GPHN: variants seen among roughly 807,000 people sequenced by gnomAD.
The protein encoded by GPHN is gephyrin.
In GPHN, 17 loss-of-function variants were observed where a neutral mutation model predicts 95.5. The ratio of observed to expected loss-of-function variants is 0.18; its 90% CI spans 0.12 to 0.27. The LOEUF (loss-of-function observed/expected upper bound fraction) is 0.27, where lower values mean the gene tolerates loss of function less well. Ranked by LOEUF, GPHN falls within the 10% of genes least tolerant of loss-of-function variation. The probability of loss-of-function intolerance (pLI) is 1.00; values close to 1 mark genes in which losing one functional copy is unlikely to be tolerated. For synonymous variants in GPHN, 320 were observed against 322.5 expected, an observed-to-expected ratio of 0.99 and a Z score of 0.08; for missense variants, 660 against 978.1, an observed-to-expected ratio of 0.67 and a Z score of 4.34.
chr14:66,788,700 A>G (rs771904989), intron 3 of GPHN, among the ~76,000 whole-genome samples: 6 of 152,126 alleles, frequency 3.9e-5, no homozygotes, highest in Non-Finnish European at 8.8e-5. Flanking sequence ...CCTTTTGCCC[A>G]GGCTGGAGTG....
intron 1 of GPHN, among the ~76,000 whole-genome samples, chr14:66,627,212 C>G (rs1266260969): frequency 6.6e-6 from 1 of 151,992 alleles, no homozygotes; most frequent in Non-Finnish European, 1.5e-5. Context: ...TCACCTTTAT[C>G]ATTCTCTTCC....
chr14:67,485,049 C>T, the GPHN span, among the ~76,000 whole-genome samples: 6 of 152,128 alleles, frequency 3.9e-5, no homozygotes, highest in Admixed American at 6.5e-5. Flanking sequence ...GATGATATAA[C>T]GAGAATTACC....
chr14:67,321,895 CT>C, the GPHN span, among the ~76,000 whole-genome samples: 6 of 152,028 alleles, frequency 3.9e-5, no homozygotes, highest in African/African-American at 1.4e-4. Context: ...AATAATTTCC[CT>C]TTTCTGATTC....
chr14:67,132,715 A>G (rs1294390016), intron 17 of GPHN, among the ~76,000 whole-genome samples: 1 of 152,030 alleles, frequency 6.6e-6, no homozygotes, highest in Non-Finnish European at 1.5e-5. Context: ...AATAACCTCT[A>G]GGTATTACTG....
At position 67,165,168 on chromosome 14, in the gene GPHN, A is replaced by C. The variant is rs760925979; in HGVS notation, c.1917A>C (p.Pro639=). 72 of 1,608,330 alleles carry C rather than the reference A, an allele frequency of 4.5e-5. 2 individuals carry two copies. In the South Asian group the frequency reaches 7.4e-4, roughly 16 times the overall value. ...FGRVFMKPGL[P]TTFATLDIDG... ...GACTCTTTTTTTCTTCTAGCTTGCC[A>C]ACAACATTTGCAACTTTGGATATTG... Residue 639 remains proline, a synonymous_variant, in exon 20 of 23, where the codon CCA becomes CCC. Transcript: ENST00000478722.
At chr14:66,622,901 A>G (rs531475702) in intron 1 of GPHN, among the ~76,000 whole-genome samples, 1 of 152,164 alleles carries the variant, frequency 6.6e-6, no homozygotes, top group African/African-American at 2.4e-5. Flanking sequence ...GAGCCCTCCA[A>G]ACTGTCCCAA....
At chr14:66,701,048 C>T (rs2068505402) in intron 2 of GPHN, among the ~76,000 whole-genome samples, 1 of 152,192 alleles carries the variant, frequency 6.6e-6, no homozygotes. Flanking sequence ...CCTGCCCTGC[C>T]ATCCAGTTTT....
chr14:67,640,413 C>T, the GPHN span, among the ~76,000 whole-genome samples: 1 of 152,272 alleles, frequency 6.6e-6, no homozygotes, highest in Admixed American at 6.5e-5. Flanking sequence ...TGTCTTGTTT[C>T]CAATATCTCT....
intron 1 of GPHN, among the ~76,000 whole-genome samples, chr14:66,546,306 G>A (rs544157839): frequency 6.6e-5 from 10 of 151,076 alleles, no homozygotes; most frequent in African/African-American, 2.4e-4. Flanking sequence ...CAGGCAGAGG[G>A]GCTCCTCACG....
the GPHN span, among the ~76,000 whole-genome samples, chr14:67,428,469 G>A: frequency 6.6e-6 from 1 of 152,236 alleles, no homozygotes; most frequent in Non-Finnish European, 1.5e-5. Flanking sequence ...CACAGTAGGG[G>A]AGAACTCTTA....
At chr14:67,326,550 G>C in the GPHN span, among the ~76,000 whole-genome samples, 9 of 152,084 alleles carry the variant, frequency 5.9e-5, no homozygotes, top group Non-Finnish European at 1.0e-4. Context: ...ATGTGTACCT[G>C]TGTAACCACC....
the GPHN span, among the ~76,000 whole-genome samples, chr14:67,567,863 G>A: frequency 6.6e-6 from 1 of 152,176 alleles, no homozygotes; most frequent in Admixed American, 6.5e-5. Context: ...GGTGACTCAC[G>A]TCACCTTTGT....
chr14:66,756,587 T>G (rs545541767), intron 2 of GPHN, among the ~76,000 whole-genome samples: 1 of 152,320 alleles, frequency 6.6e-6, no homozygotes, highest in South Asian at 2.1e-4. Context: ...AAAAATTGTT[T>G]GCTCCAAGAA....
At chr14:67,691,160 T>A in the GPHN span, 1 of 1,613,570 alleles carries the variant, frequency 6.2e-7, no homozygotes, top group Non-Finnish European at 8.5e-7. Flanking sequence ...GACTCCTATG[T>A]GCATCTCAAA....
chr14:67,361,030 T>A, the GPHN span, among the ~76,000 whole-genome samples: 1 of 152,148 alleles, frequency 6.6e-6, no homozygotes, highest in African/African-American at 2.4e-5. Context: ...AGACTTGAGT[T>A]TATTACTGTT....
chr14:67,225,962 T>TGCGCGC, the GPHN span, among the ~76,000 whole-genome samples: 4 of 113,488 alleles, frequency 3.5e-5, no homozygotes, highest in Admixed American at 9.7e-5. Flanking sequence ...TGTGTGTGTG[T>TGCGCGC]GCGCGCGCGC....
the GPHN span, among the ~76,000 whole-genome samples, chr14:67,432,783 C>T: frequency 4.6e-5 from 7 of 151,772 alleles, no homozygotes; most frequent in East Asian, 1.9e-4. Context: ...TGGTGGTTGC[C>T]GGCAACCTGG....
rs75793197 is a variant in GPHN at position 66,668,110 on chromosome 14, A to G, written c.65-12997A>G. On this transcript the variant is annotated intron_variant, in intron 1 of 22. Transcript: ENST00000478722. Reference sequence around the variant, plus strand: ...TCATATCCTACCAGTCAGAATGGCTATTATTAAAGAGCTGAAAAATAACAA... The same window carrying G: ...TCATATCCTACCAGTCAGAATGGCTGTTATTAAAGAGCTGAAAAATAACAA... Among the ~76,000 whole-genome samples, 150 of 152,314 alleles carry G rather than the reference A, an allele frequency of 9.8e-4. 1 individual carries two copies. The Middle Eastern group carries it at 0.017, about 17-fold the overall frequency.
chr14:67,578,844 CG>C, the GPHN span, among the ~76,000 whole-genome samples: 1 of 152,210 alleles, frequency 6.6e-6, no homozygotes, highest in Non-Finnish European at 1.5e-5. This position sits in a 1 kb window ranked among gnomAD's most constrained non-coding sequence, Gnocchi z 5.0. Context: ...CATGTATCCA[CG>C]GATGTACTGT....
Sources: gnomAD v4.1 joint callset for allele counts (sites outside exome capture counted in the v4.1 genomes callset) on GRCh38, gnomAD v4.1.1 for gene constraint, Gnocchi (gnomAD v3.1) non-coding constraint, MANE v1.5 for transcripts, NCBI Gene and HGNC (gene_info 2026-07-23, HGNC 2026-07-21) for gene names.